PPP2R5A: variants seen among roughly 807,000 people sequenced by gnomAD.
PPP2R5A encodes serine/threonine-protein phosphatase 2A 56 kDa regulatory subunit alpha isoform.
A neutral mutation model predicts 64.2 loss-of-function variants in PPP2R5A; 25 were observed. That is an observed-to-expected ratio of 0.39 (90% CI 0.28 to 0.54). PPP2R5A has a LOEUF of 0.54. Among genes scored for constraint, PPP2R5A ranks in the 20% least tolerant of loss-of-function variants. The pLI is 0.67. For missense variants in PPP2R5A, 425 were observed against 576.3 expected (o/e 0.74, Z 2.69); for synonymous variants, 198 against 201.2 (o/e 0.98, Z 0.13).
chr1:212,356,436 A>T (rs1031707280), intron 8 of PPP2R5A, among the ~76,000 whole-genome samples, 190 bp from the exon 9 acceptor site: 3 of 152,236 alleles, frequency 2.0e-5, no homozygotes, highest in African/African-American at 7.2e-5. Flanking sequence ...CTGGTACATA[A>T]TAGGCACCCA....
At chr1:212,289,441 A>G (rs565307009) in intron 1 of PPP2R5A, among the ~76,000 whole-genome samples, 4 of 152,312 alleles carry the variant, frequency 2.6e-5, no homozygotes, top group Non-Finnish European at 5.9e-5. Flanking sequence ...TAAAAAGAAT[A>G]GTTTCTGGCC....
chr1:212,345,098 G>A (rs576350902), intron 4 of PPP2R5A, among the ~76,000 whole-genome samples: 19 of 151,632 alleles, frequency 1.3e-4, no homozygotes, highest in Non-Finnish European at 2.6e-4. Flanking sequence ...CCAGGAGGTC[G>A]AGGCTGCAGT....
At chr1:212,286,364 A>G in intron 1 of PPP2R5A, 73 bp downstream of exon 1, 2 of 1,375,894 alleles carry the variant, frequency 1.5e-6, no homozygotes, top group Non-Finnish European at 1.9e-6. Context: ...CAGCAGAGCC[A>G]TTTCCTGCTG....
chr1:212,288,033 T>C (rs1395043358), intron 1 of PPP2R5A, among the ~76,000 whole-genome samples: 1 of 152,220 alleles, frequency 6.6e-6, no homozygotes, highest in East Asian at 1.9e-4. Flanking sequence ...TTATTTATTT[T>C]ATTTTATTTT....
rs138497782 is a variant in PPP2R5A at position 212,287,114 on chromosome 1, C to T, written c.181+823C>T. Reference sequence around the variant, plus strand: ...TCAAATTGGTATCCGTGCCTAATGCCTTGCAGGAGAACTTGGCACTCTTTT... The same window carrying T: ...TCAAATTGGTATCCGTGCCTAATGCTTTGCAGGAGAACTTGGCACTCTTTT... On this transcript the variant is annotated intron_variant, in intron 1 of 12. Transcript: ENST00000261461. Among the ~76,000 whole-genome samples, 140 of 152,304 alleles carry T rather than the reference C, an allele frequency of 9.2e-4. 2 individuals carry two copies. Among genetic ancestry groups the T allele is most frequent in the African/African-American group, 3.2e-3 (135 of 41,564 alleles).
intron 1 of PPP2R5A, among the ~76,000 whole-genome samples, chr1:212,321,137 C>T (rs1159760885): frequency 1.5e-5 from 2 of 135,894 alleles, no homozygotes; most frequent in African/African-American, 2.8e-5. Flanking sequence ...CCAGTAGGGG[C>T]GGCCGGCAGA....
At chr1:212,323,003 G>C (rs1659338459) in intron 1 of PPP2R5A, among the ~76,000 whole-genome samples, 1 of 152,046 alleles carries the variant, frequency 6.6e-6, no homozygotes, top group Non-Finnish European at 1.5e-5. Flanking sequence ...AGCCAGGATG[G>C]TCTCGATCTC....
chr1:212,353,890 A>G (rs931680366), intron 8 of PPP2R5A, among the ~76,000 whole-genome samples: 6 of 152,174 alleles, frequency 3.9e-5, no homozygotes, highest in Non-Finnish European at 8.8e-5. Flanking sequence ...ATTTCGTTTA[A>G]TAACAGGCTA....
intron 11 of PPP2R5A, 33 bp downstream of exon 11, chr1:212,357,317 C>CTTT (rs376007639): frequency 3.0e-5 from 35 of 1,158,796 alleles, no homozygotes; most frequent in African/African-American, 2.5e-4. Context: ...GTATTTTTTT[C>CTTT]TTTTTTTTTT....
chr1:212,330,202 T>A (rs749089747), intron 2 of PPP2R5A, among the ~76,000 whole-genome samples: 41 of 152,312 alleles, frequency 2.7e-4, no homozygotes, highest in African/African-American at 6.7e-4. Flanking sequence ...TGTGATTTTT[T>A]AATTTTATTT....
chr1:212,339,247 G>A (rs575980482), intron 3 of PPP2R5A, among the ~76,000 whole-genome samples: 2 of 152,120 alleles, frequency 1.3e-5, no homozygotes, highest in Admixed American at 6.6e-5. Context: ...GAGTAATCTC[G>A]GCTCACTGCA....
chr1:212,356,584 G>A (rs1160881184), intron 8 of PPP2R5A, 42 bp from the exon 9 acceptor site: 1 of 1,580,502 alleles, frequency 6.3e-7, no homozygotes, highest in South Asian at 1.1e-5. Flanking sequence ...GGATTAACTA[G>A]CTTTGTTATT....
chr1:212,319,713 C>T (rs11119911), intron 1 of PPP2R5A, among the ~76,000 whole-genome samples: 11,002 of 149,982 alleles, frequency 0.073, 1,343 homozygotes, highest in African/African-American at 0.25. Flanking sequence ...CTCTGCCTCC[C>T]GGGTTCAAGC....
At chr1:212,288,908 A>AACT (rs1197247649) in intron 1 of PPP2R5A, among the ~76,000 whole-genome samples, 1 of 152,222 alleles carries the variant, frequency 6.6e-6, no homozygotes, top group African/African-American at 2.4e-5. Flanking sequence ...GAAAGGTGCC[A>AACT]ACTAGTTTTC....
chr1:212,293,744 G>A (rs1460007119), intron 1 of PPP2R5A, among the ~76,000 whole-genome samples: 1 of 151,962 alleles, frequency 6.6e-6, no homozygotes, highest in Non-Finnish European at 1.5e-5. Flanking sequence ...GAAGACAAGG[G>A]ATTTCTTGGA....
chr1:212,309,613 A>G, intron 1 of PPP2R5A: 1 of 592,210 alleles, frequency 1.7e-6, no homozygotes, highest in Non-Finnish European at 3.0e-6. Context: ...GTTAAATCCA[A>G]CATACGGTCA....
intron 8 of PPP2R5A, among the ~76,000 whole-genome samples, chr1:212,356,362 C>T (rs1392547298): frequency 6.6e-6 from 1 of 152,194 alleles, no homozygotes; most frequent in East Asian, 1.9e-4. Flanking sequence ...AACGTAAGCT[C>T]TGTGAAAACC....
At chr1:212,306,204 T>C (rs1292438972) in intron 1 of PPP2R5A, among the ~76,000 whole-genome samples, 1 of 151,954 alleles carries the variant, frequency 6.6e-6, no homozygotes, top group Non-Finnish European at 1.5e-5. Context: ...GTGGAGAGAA[T>C]AGGGGAAGGG....
intron 1 of PPP2R5A, among the ~76,000 whole-genome samples, chr1:212,288,977 T>C (rs887559351): frequency 2.0e-5 from 3 of 152,248 alleles, no homozygotes; most frequent in Non-Finnish European, 4.4e-5. Context: ...AAGAAGTATT[T>C]GTGCAAAATA....
Sources: gnomAD v4.1 joint callset for allele counts (sites outside exome capture counted in the v4.1 genomes callset) on GRCh38, gnomAD v4.1.1 for gene constraint, MANE v1.5 for transcripts, NCBI Gene and HGNC (gene_info 2026-07-23, HGNC 2026-07-21) for gene names.